The following PRAME variants were observed in gnomAD, a reference collection of about 807,000 sequenced individuals.
The protein encoded by PRAME is PRAME nuclear receptor transcriptional regulator, also known as melanoma antigen preferentially expressed in tumors.
In PRAME, 21 loss-of-function variants were observed where a neutral mutation model predicts 32.1. The observed-to-expected ratio is 0.65, with a 90% confidence interval of 0.46 to 0.94. The LOEUF (loss-of-function observed/expected upper bound fraction) is 0.94. PRAME is among the 40% of genes least tolerant of loss of function. The probability of loss-of-function intolerance (pLI) is 0.00; values close to 1 mark genes in which losing one functional copy is unlikely to be tolerated. For synonymous variants in PRAME, 274 were observed against 251.5 expected (o/e 1.09, Z -0.85); for missense variants, 651 against 622.3 (o/e 1.05, Z -0.49).
intron 3 of PRAME, chr22:22,553,885 G>A (rs1283668386): frequency 1.3e-5 from 13 of 984,978 alleles, no homozygotes; most frequent in African/African-American, 1.8e-5. Context: ...CAAGCAGCAG[G>A]TCAGGCCTTT....
At chr22:22,554,001 A>G (rs2062755345) in intron 3 of PRAME, 2 of 985,196 alleles carry the variant, frequency 2.0e-6, no homozygotes, top group Non-Finnish European at 2.4e-6. Context: ...GCTCAGGTAC[A>G]GAGATTCTGG....
Position 22,550,805 on chromosome 22 carries a change from A to G in PRAME, c.306T>C (p.Asp102=), listed in dbSNP as rs1297979048. Residue 102 remains aspartate (D), a synonymous_variant, in exon 4 of 6, where the codon GAT becomes GAC. Transcript: ENST00000405655. ...LHLETFKAVL[D]GLDVLLAQEV... is the part of the protein sequence containing the mutation. ...CCTGGGCAAGGAGCACATCAAGTCC[A>G]TCAAGCACAGCTTTGAAGGTCTCCA... 2 of 1,607,330 alleles carry G rather than the reference A, an allele frequency of 1.2e-6. No homozygotes were observed. The highest frequency in any genetic ancestry group is 1.7e-6 in the Non-Finnish European group (2 of 1,175,482).
chr22:22,552,841 C>T (rs1401458945), intron 3 of PRAME: 2 of 470,696 alleles, frequency 4.2e-6, no homozygotes, highest in African/African-American at 4.0e-5. Flanking sequence ...GCCATCTGCC[C>T]AGACCTCTGG....
At chr22:22,548,877 G>A (rs906569268) in intron 5 of PRAME, among the ~76,000 whole-genome samples, 1 of 151,910 alleles carries the variant, frequency 6.6e-6, no homozygotes, top group Non-Finnish European at 1.5e-5. Context: ...TGGCTCATCT[G>A]TGAGGCAGGG....
At chr22:22,558,713 CG>C (rs995241829) in intron 1 of PRAME, among the ~76,000 whole-genome samples, 1 of 150,662 alleles carries the variant, frequency 6.6e-6, no homozygotes. Flanking sequence ...GAGTGTGGGA[CG>C]GGGTGTTCTG....
In PRAME at chr22:22,550,779, T is replaced by C; in HGVS notation, c.332A>G (p.Glu111Gly). The C allele has an allele frequency of 1.3e-6, 2 of 1,586,108 alleles. No homozygotes were observed. Among genetic ancestry groups the C allele is most frequent in the Non-Finnish European group, 1.7e-6 (2 of 1,162,800 alleles). ...LDGLDVLLAQ[E>G]VRPRRWKLQV... is the part of the protein sequence containing the mutation. ...AGGTCACCCTTACCTGGGGCGAACC[T>C]CCTGGGCAAGGAGCACATCAAGTCC... Residue 111 changes from glutamate to glycine, a missense_variant, in exon 4 of 6, where the codon GAG (glutamate) becomes GGG (glycine). By Grantham distance (98) the Glu-to-Gly change is moderately conservative (BLOSUM62 -2). Coordinates refer to ENST00000405655, the MANE Select transcript of PRAME (RefSeq NM_206956.3).
chr22:22,550,639 C>T, intron 4 of PRAME, 128 bp downstream of exon 4: 1 of 1,130,466 alleles, frequency 8.8e-7, no homozygotes, highest in Non-Finnish European at 1.3e-6. Context: ...CCCAAGGCCT[C>T]CCTGAACTTC....
In PRAME at chr22:22,559,090, C is replaced by T. The variant is rs1178440267; in HGVS notation, c.-233G>A. The T allele has an allele frequency of 5.1e-6, 1 of 195,172 alleles. No homozygotes were observed. Among genetic ancestry groups the T allele is most frequent in the South Asian group, 8.4e-5 (1 of 11,958 alleles). The allele number at this position is 195,172 out of a possible 1,614,324, so 12.1% of individuals were successfully genotyped here. A position where few individuals can be genotyped will look rare whatever the true frequency, so the allele number is the denominator to read the frequency against. On this transcript the variant is annotated 5_prime_UTR_variant, in exon 1 of 6. The change creates a new upstream start codon in the 5' untranslated region. Coordinates refer to ENST00000405655, the MANE Select transcript of PRAME (RefSeq NM_206956.3). ...CTCTCCACAGAAATCCACGCATTCA[C>T]GCCCCTCCCCTCCCCCGAGCCTGCA...
At position 22,557,128 on chromosome 22, in the gene PRAME, T is replaced by C. The variant is rs150271376; in HGVS notation, c.-77-219A>G. On this transcript the variant is annotated intron_variant, in intron 2 of 5. Coordinates refer to ENST00000405655, the MANE Select transcript of PRAME (RefSeq NM_206956.3). The stretch of plus-strand genomic sequence containing the variant: ...GAGGAACAACAGACCATGTGGTTGG[T>C]CACAAGTGACCCCTGTGGTCAAGGA... 4.3e-3 allele frequency: 2,173 copies of C among 507,646 alleles called. 43 individuals are homozygous for C. Among genetic ancestry groups the C allele is most frequent in the African/African-American group, 0.038 (1,990 of 51,886 alleles). 31.4% of individuals were successfully genotyped at this position (507,646 alleles called of 1,614,324 possible).
At chr22:22,549,595 G>C in intron 5 of PRAME, 131 bp downstream of exon 5, 1 of 1,210,550 alleles carries the variant, frequency 8.3e-7, no homozygotes, top group Non-Finnish European at 1.1e-6. Flanking sequence ...TGGTGAACAA[G>C]ACGTGTTAAC....
chr22:22,556,071 G>A (rs2062896102), intron 3 of PRAME: 2 of 330,628 alleles, frequency 6.0e-6, no homozygotes, highest in Non-Finnish European at 1.3e-5. Flanking sequence ...TTGGCTCACT[G>A]CAACCTCCAC....
rs1555958284 is a variant in PRAME at position 22,551,642 on chromosome 22, A to AAAC, written c.22-556_22-554dup. 4.4e-4 allele frequency among the ~76,000 whole-genome samples: 67 copies of AAAC among 150,858 alleles called. 1 individual carries two copies. The highest frequency in any genetic ancestry group is 1.0e-3 in the African/African-American group (41 of 41,196). On this transcript the variant is annotated intron_variant, in intron 3 of 5. Coordinates refer to ENST00000405655, the MANE Select transcript of PRAME (RefSeq NM_206956.3). ...AGCAATTGGAAGTACAATAAAAAAA[A>AAAC]AACATTCTGAGACATGTATTTTAAG...
At chr22:22,549,443 G>C (rs747907330) in intron 5 of PRAME, among the ~76,000 whole-genome samples, 15 of 151,882 alleles carry the variant, frequency 9.9e-5, no homozygotes, top group Non-Finnish European at 2.2e-4. Context: ...TCCTAAGGAA[G>C]AATGCCTAAA....
At chr22:22,555,227 T>C (rs192758185) in intron 3 of PRAME, among the ~76,000 whole-genome samples, 10 of 152,008 alleles carry the variant, frequency 6.6e-5, no homozygotes, top group Admixed American at 2.6e-4. Context: ...TCTCTAGTCA[T>C]AGAATCCCAG....
chr22:22,551,656 A>G (rs2062580642), intron 3 of PRAME, among the ~76,000 whole-genome samples: 1 of 151,922 alleles, frequency 6.6e-6, no homozygotes, highest in African/African-American at 2.4e-5. Flanking sequence ...ATTCTGAGAC[A>G]TGTATTTTAA....
rs772616695 is a variant in PRAME at position 22,548,656 on chromosome 22, A to G, written c.954-13T>C. On this transcript the variant is annotated splice_polypyrimidine_tract_variant and intron_variant, in intron 5 of 5. Coordinates refer to ENST00000405655, the MANE Select transcript of PRAME (RefSeq NM_206956.3). ...GTTCATCACGTGCCTGCAAATAGAC[A>G]AAGCAGTTAGTGCTGGGGAATGGTG... 3.6e-5 allele frequency: 57 copies of G among 1,569,262 alleles called. No homozygotes were observed. The highest frequency in any genetic ancestry group is 4.6e-5 in the Non-Finnish European group (53 of 1,157,986).
rs767333663 is a variant in PRAME at position 22,556,864 on chromosome 22, C to G, written c.-32G>C. ...GCGACTTAGGCTGGCCTCAGGACCT[C>G]CAACGCTTGGATTTCTAGGTCTCAG... On this transcript the variant is annotated 5_prime_UTR_variant, in exon 3 of 6. Coordinates refer to ENST00000405655, the MANE Select transcript of PRAME (RefSeq NM_206956.3). The G allele has an allele frequency of 6.2e-7, 1 of 1,612,732 alleles. No individual in the cohort carries two copies. Among genetic ancestry groups the G allele is most frequent in the Non-Finnish European group, 8.5e-7 (1 of 1,179,802 alleles).
chr22:22,558,607 C>G (rs1329762564), intron 1 of PRAME, among the ~76,000 whole-genome samples: 1 of 129,096 alleles, frequency 7.7e-6, no homozygotes, highest in East Asian at 2.4e-4. Flanking sequence ...GTGATGGCTG[C>G]GGCCTTTCCC....
intron 3 of PRAME, among the ~76,000 whole-genome samples, chr22:22,556,391 A>C (rs2062919347): frequency 6.6e-6 from 1 of 151,386 alleles, no homozygotes; most frequent in Admixed American, 6.6e-5. Flanking sequence ...GCTTACTGCA[A>C]CCTTCGCCTC....
Sources: allele counts gnomAD v4.1 joint callset (sites outside exome capture counted in the v4.1 genomes callset), GRCh38; gene constraint gnomAD v4.1.1; transcripts MANE v1.5; gene names NCBI Gene and HGNC (gene_info 2026-07-23, HGNC 2026-07-21).